The following EFR3A variants were observed in gnomAD, a reference collection of about 807,000 sequenced individuals.
EFR3A encodes EFR3 homolog A.
In EFR3A, 76 loss-of-function variants were observed where a neutral mutation model predicts 104.4. That is an observed-to-expected ratio of 0.73 (90% confidence interval 0.60 to 0.88). The LOEUF is 0.88. EFR3A is among the 40% of genes least tolerant of loss of function. The pLI is 0.00. For synonymous variants in EFR3A, 330 were observed against 330.0 expected, an observed-to-expected ratio of 1.00 and a Z score of 0.00; for missense variants, 985 against 1,012.5, an observed-to-expected ratio of 0.97 and a Z score of 0.37.
In EFR3A at chr8:132,010,789, GTCC is replaced by G; in HGVS notation, c.2367_2369del (p.Pro790del). On this transcript the variant is annotated inframe_deletion and splice_region_variant, in exon 23 of 23. Coordinates refer to ENST00000254624, the MANE Select transcript of EFR3A (RefSeq NM_015137.6). The stretch of plus-strand genomic sequence containing the variant: ...GACAATGTATTTTTGTTCTTTTATA[GTCC>G]TCCTCCCAGTCCATCAGGAACACTG... 1 of 1,611,468 alleles carries G rather than the reference GTCC, an allele frequency of 6.2e-7. No homozygotes were observed.
rs750064526 is a variant in EFR3A, at chr8:131,908,511, G to A, written c.10+4189G>A. Among the ~76,000 whole-genome samples the A allele has an allele frequency of 1.1e-3, 165 of 152,290 alleles. 1 individual carries two copies. Among genetic ancestry groups the A allele is most frequent in the Middle Eastern group, 3.4e-3 (1 of 294 alleles). On this transcript the variant is annotated intron_variant, in intron 1 of 22. Coordinates refer to ENST00000254624, the MANE Select transcript of EFR3A (RefSeq NM_015137.6). ...ATTATTGAATACTGATTGTGTGGTA[G>A]GCAGTATACTTTGTGCTTTACCTGA...
At chr8:131,996,018 A>G (rs1045899286) in intron 18 of EFR3A, among the ~76,000 whole-genome samples, 4 of 152,128 alleles carry the variant, frequency 2.6e-5, no homozygotes, top group Non-Finnish European at 2.9e-5. Flanking sequence ...AATATTAGAG[A>G]TATAAGGGCA....
chr8:131,951,582 T>G (rs967574496), intron 5 of EFR3A, among the ~76,000 whole-genome samples: 1 of 152,142 alleles, frequency 6.6e-6, no homozygotes, highest in Non-Finnish European at 1.5e-5. Context: ...ATAGAAAATA[T>G]CTGGAATGTA....
rs79356966 is a variant in EFR3A at position 131,989,460 on chromosome 8, T to C, written c.2065+1758T>C. 1.2e-3 allele frequency among the ~76,000 whole-genome samples: 180 copies of C among 152,328 alleles called. No individual in the cohort carries two copies. In the East Asian group the frequency reaches 0.012, roughly 10 times the overall value. ...TCATTTTCTTATGTAATTCTCATAA[T>C]GGTTTGGTGAGGAAGATAGCATTAT... On this transcript the variant is annotated intron_variant, in intron 18 of 22. Coordinates refer to ENST00000254624, the MANE Select transcript of EFR3A (RefSeq NM_015137.6).
intron 22 of EFR3A, among the ~76,000 whole-genome samples, chr8:132,004,051 A>G (rs1327335487): frequency 6.6e-6 from 1 of 152,208 alleles, no homozygotes; most frequent in Non-Finnish European, 1.5e-5. Flanking sequence ...AGAGACAGGT[A>G]AATGCTCTAG....
chr8:131,927,102 A>T (rs1817338477), intron 1 of EFR3A, among the ~76,000 whole-genome samples: 1 of 152,112 alleles, frequency 6.6e-6, no homozygotes, highest in African/African-American at 2.4e-5. Context: ...GAGCTTATAG[A>T]CCTCTGAGAA....
chr8:131,966,794 T>A (rs1819762606), intron 8 of EFR3A, among the ~76,000 whole-genome samples: 1 of 152,170 alleles, frequency 6.6e-6, no homozygotes, highest in African/African-American at 2.4e-5. Flanking sequence ...TGCCTTAAAC[T>A]TCAGTGTAAG....
chr8:131,956,257 T>C (rs1446581642), intron 7 of EFR3A, among the ~76,000 whole-genome samples: 1 of 152,198 alleles, frequency 6.6e-6, no homozygotes, highest in Non-Finnish European at 1.5e-5. Flanking sequence ...ATGGTCAGTT[T>C]TTCCTGGTCC....
intron 18 of EFR3A, among the ~76,000 whole-genome samples, chr8:131,994,374 T>C (rs1179640252): frequency 6.6e-6 from 1 of 152,220 alleles, no homozygotes; most frequent in African/African-American, 2.4e-5. Context: ...GTCTGGGTAC[T>C]GTTCTCCTTA....
Position 132,001,781 on chromosome 8 carries a change from C to T in EFR3A, c.2180C>T (p.Thr727Ile). The T allele has an allele frequency of 4.3e-6, 7 of 1,613,348 alleles. No homozygotes were observed. Among genetic ancestry groups the T allele is most frequent in the Non-Finnish European group, 5.1e-6 (6 of 1,179,512 alleles). The change falls in exon 20 of 23, where the codon ACT becomes ATT. Residue 727 changes from threonine (T) to isoleucine (I), a missense_variant. Transcript: ENST00000254624. ...DDVVSNTEEI[T>I]FEALKKAIDT... ...TAGGTTAGTAACACTGAAGAAATCA[C>T]TTTTGAAGCATTGAAGAAAGCAATT...
At position 131,984,938 on chromosome 8, in the gene EFR3A, A is replaced by G. The variant is rs775744193; in HGVS notation, c.1747A>G (p.Ile583Val). The G allele has an allele frequency of 1.1e-5, 17 of 1,613,234 alleles. No homozygotes were observed. The African/African-American group carries it at 1.6e-4, about 15-fold the overall frequency. ...RLAIALQDSA[I>V]INEDNLPMFH... is the part of the protein sequence containing the mutation. The stretch of plus-strand genomic sequence containing the variant: ...TTGTTTCTTATTAAAGGACAGTGCA[A>G]TTATCAATGAGGATAATTTGCCAAT... Residue 583 changes from isoleucine to valine, a missense_variant, in exon 16 of 23, where the codon ATT becomes GTT. Physicochemically the swap from Ile to Val is conservative, Grantham distance 29 (BLOSUM62 3). Transcript: ENST00000254624.
At position 131,953,953 on chromosome 8, in the gene EFR3A, A is replaced by G. The variant is rs1332006895; in HGVS notation, c.624A>G (p.Ile208Met). The stretch of plus-strand genomic sequence containing the variant: ...CCCTCCTGTTTAACATGCAAAAGAT[A>G]GAAGAAGTTGACAGGTATTTAAAAA... ...VPSLLFNMQK[I>M]EEVDSRIGPP... Residue 208 changes from isoleucine (I) to methionine (M), a missense_variant, in exon 6 of 23, where the codon ATA becomes ATG. By Grantham distance (10) the Ile-to-Met change is conservative. Coordinates refer to ENST00000254624, the MANE Select transcript of EFR3A (RefSeq NM_015137.6). 6.5e-7 allele frequency: 1 copy of G among 1,549,238 alleles called. No individual in the cohort carries two copies. The highest frequency in any genetic ancestry group is 1.4e-5 in the African/African-American group (1 of 73,062).
intron 19 of EFR3A, among the ~76,000 whole-genome samples, chr8:131,999,174 A>C (rs896598080): frequency 6.6e-6 from 1 of 152,146 alleles, no homozygotes; most frequent in Non-Finnish European, 1.5e-5. Flanking sequence ...AGTATATGTT[A>C]AATTTTTTGA....
At chr8:131,978,330 G>T (rs977357730) in intron 12 of EFR3A, among the ~76,000 whole-genome samples, 2 of 152,026 alleles carry the variant, frequency 1.3e-5, no homozygotes, top group Non-Finnish European at 2.9e-5. Context: ...AGATATTGAC[G>T]TACTCTTAAA....
At chr8:131,930,375 T>C (rs1489548081) in intron 1 of EFR3A, among the ~76,000 whole-genome samples, 3 of 151,888 alleles carry the variant, frequency 2.0e-5, no homozygotes, top group African/African-American at 4.8e-5. Context: ...TATCCAAAGG[T>C]ATAACCTGTT....
chr8:131,977,548 A>C lies in EFR3A; in HGVS notation c.1326+456A>C, dbSNP rs139963471. 1.9e-3 allele frequency among the ~76,000 whole-genome samples: 283 copies of C among 152,326 alleles called. 2 individuals are homozygous for C. The highest frequency in any genetic ancestry group is 6.6e-3 in the African/African-American group (275 of 41,576). On this transcript the variant is annotated intron_variant, in intron 12 of 22. Coordinates refer to ENST00000254624, the MANE Select transcript of EFR3A (RefSeq NM_015137.6). ...TTGCCATTTAAAATTTGAAGTGGCT[A>C]TAAGTAGCTGAAAAGGAAAAGTATA...
At chr8:131,961,813 G>C (rs1298483559) in intron 8 of EFR3A, among the ~76,000 whole-genome samples, 13 of 152,196 alleles carry the variant, frequency 8.5e-5, no homozygotes, top group African/African-American at 3.1e-4. Flanking sequence ...CAGAGAGAAA[G>C]GTCGGGTTAC....
Position 131,968,365 on chromosome 8 carries a change from G to A in EFR3A, c.926G>A (p.Arg309Gln), listed in dbSNP as rs141857907. The change falls in exon 9 of 23, where the codon CGG (arginine) becomes CAG (glutamine). Residue 309 changes from arginine (R) to glutamine (Q), a missense_variant. Arg to Gln is a conservative substitution (Grantham distance 43, BLOSUM62 1). Transcript: ENST00000254624. ...HLDARKKDAP[R>Q]VRAGIIQVLL... Reference sequence around the variant, plus strand: ...GATGCTCGTAAAAAAGATGCTCCCCGGGTTCGAGCAGGTATTATTCAGGTT... The same window carrying A: ...GATGCTCGTAAAAAAGATGCTCCCCAGGTTCGAGCAGGTATTATTCAGGTT... The A allele has an allele frequency of 7.3e-5, 118 of 1,613,512 alleles. No homozygotes were observed. Among genetic ancestry groups the A allele is most frequent in the Middle Eastern group, 1.6e-4 (1 of 6,062 alleles).
chr8:131,972,496 C>T (rs910336526), intron 10 of EFR3A, among the ~76,000 whole-genome samples: 8 of 150,308 alleles, frequency 5.3e-5, no homozygotes, highest in African/African-American at 9.8e-5. Flanking sequence ...AAAGTACAAA[C>T]AGTGAAGAGC....
Sources: allele counts gnomAD v4.1 joint callset (sites outside exome capture counted in the v4.1 genomes callset), GRCh38; gene constraint gnomAD v4.1.1; transcripts MANE v1.5; gene names NCBI Gene and HGNC (gene_info 2026-07-23, HGNC 2026-07-21).